MGAT5: variants seen among roughly 807,000 people sequenced by gnomAD.
The protein encoded by MGAT5 is alpha-1,6-mannosylglycoprotein 6-beta-N-acetylglucosaminyltransferase, also known as alpha-1,6-mannosylglycoprotein 6-beta-N-acetylglucosaminyltransferase A.
In MGAT5, 30 loss-of-function variants were observed where a neutral mutation model predicts 94.3. That is an observed-to-expected ratio of 0.32 (90% CI 0.24 to 0.43). The LOEUF (loss-of-function observed/expected upper bound fraction) is 0.43, where lower values mean the gene tolerates loss of function less well. Among genes scored for constraint, MGAT5 ranks in the 20% least tolerant of loss-of-function variants. MGAT5 has a pLI of 1.00. For missense variants in MGAT5, 691 were observed against 905.5 expected, an observed-to-expected ratio of 0.76 and a Z score of 3.04; for synonymous variants, 310 against 322.9, an observed-to-expected ratio of 0.96 and a Z score of 0.43.
intron 1 of MGAT5, among the ~76,000 whole-genome samples, chr2:134,239,823 A>G (rs16830261): frequency 0.049 from 7,472 of 152,112 alleles, 277 homozygotes; most frequent in East Asian, 0.13. Flanking sequence ...ATAAAAATAC[A>G]TTTACCATTA....
intron 14 of MGAT5, among the ~76,000 whole-genome samples, chr2:134,439,625 A>G (rs969308287): frequency 2.0e-5 from 3 of 152,182 alleles, no homozygotes; most frequent in African/African-American, 7.2e-5. Context: ...TGAATCCAGG[A>G]GGCGGAGGTA....
chr2:134,376,990 G>A (rs1681225075), intron 10 of MGAT5, among the ~76,000 whole-genome samples: 1 of 152,180 alleles, frequency 6.6e-6, no homozygotes, highest in Non-Finnish European at 1.5e-5. Flanking sequence ...CCTTAAAACG[G>A]TCTCACAGCA....
At chr2:134,311,117 C>G (rs1296299998) in intron 2 of MGAT5, among the ~76,000 whole-genome samples, 1 of 152,146 alleles carries the variant, frequency 6.6e-6, no homozygotes, top group Admixed American at 6.5e-5. Context: ...AGCCCTTGCT[C>G]GTGAAGTTGA....
At chr2:134,314,956 A>G (rs1686913568) in intron 2 of MGAT5, among the ~76,000 whole-genome samples, 1 of 152,212 alleles carries the variant, frequency 6.6e-6, no homozygotes, top group East Asian at 1.9e-4. Flanking sequence ...TTTTCATGAC[A>G]ACAGCAGAGT....
At chr2:134,208,436 C>T (rs768784996) in intron 1 of MGAT5, among the ~76,000 whole-genome samples, 44 of 152,110 alleles carry the variant, frequency 2.9e-4, no homozygotes, top group Non-Finnish European at 5.9e-4. Context: ...AAGCTTGGTG[C>T]CCAAGGGAAA....
chr2:134,126,316 T>A lies in MGAT5; in HGVS notation c.-143+6025T>A, dbSNP rs1331541447. 2.0e-5 allele frequency among the ~76,000 whole-genome samples: 3 copies of A among 152,218 alleles called. No individual in the cohort carries two copies. The East Asian group carries it at 5.8e-4, about 29-fold the overall frequency. On this transcript the variant is annotated intron_variant, in intron 1 of 16. Coordinates refer to the MGAT5 transcript ENST00000409645. ...TAAAGGGAAATGTAGATGAACATAC[T>A]AATTCAGCCCATGTGACCACTTTGG...
At chr2:134,198,324 T>C (rs1260275782) in intron 1 of MGAT5, among the ~76,000 whole-genome samples, 1 of 152,206 alleles carries the variant, frequency 6.6e-6, no homozygotes, top group Non-Finnish European at 1.5e-5. Flanking sequence ...TGTCAAGCTC[T>C]GTGTAGCTCT....
chr2:134,282,400 G>A (rs1684749606), intron 2 of MGAT5, among the ~76,000 whole-genome samples: 1 of 152,186 alleles, frequency 6.6e-6, no homozygotes, highest in African/African-American at 2.4e-5. Context: ...TTGAGTTGAT[G>A]TGTATAACTG....
chr2:134,306,554 T>C lies in MGAT5; in HGVS notation c.407-10975T>C, dbSNP rs550788283. Among the ~76,000 whole-genome samples, 5 of 152,204 alleles carry C rather than the reference T, an allele frequency of 3.3e-5. No homozygotes were observed. The East Asian group carries it at 7.7e-4, about 23-fold the overall frequency. Reference sequence around the variant, plus strand: ...GATTAAATGATCTAATGAGAGCTAGTGTGTGATGTTTCAGTGTGGTGCAGG... The same window carrying C: ...GATTAAATGATCTAATGAGAGCTAGCGTGTGATGTTTCAGTGTGGTGCAGG... On this transcript the variant is annotated intron_variant, in intron 2 of 15. Coordinates refer to ENST00000281923, the MANE Select transcript of MGAT5 (RefSeq NM_002410.5).
rs76985425 is a variant in MGAT5, at chr2:134,157,977, G to T, written c.-143+37686G>T. Among the ~76,000 whole-genome samples the T allele has an allele frequency of 6.4e-3, 980 of 152,338 alleles. 17 individuals carry two copies. The highest frequency in any genetic ancestry group is 0.022 in the African/African-American group (929 of 41,566). On this transcript the variant is annotated intron_variant, in intron 1 of 16. Transcript: ENST00000409645. Reference sequence around the variant, plus strand: ...CTCAGCTGAGGGGAGACCCACAGTGGGTAGCTTGTCTCTGCGGACAGGTTG... The same window carrying T: ...CTCAGCTGAGGGGAGACCCACAGTGTGTAGCTTGTCTCTGCGGACAGGTTG...
chr2:134,179,251 T>C (rs1688620617), intron 1 of MGAT5, among the ~76,000 whole-genome samples: 2 of 152,200 alleles, frequency 1.3e-5, no homozygotes, highest in East Asian at 3.8e-4. Flanking sequence ...TCTAGTGTTA[T>C]TAAGCACAAG....
At chr2:134,198,596 T>G (rs188517420) in intron 1 of MGAT5, among the ~76,000 whole-genome samples, 3 of 152,290 alleles carry the variant, frequency 2.0e-5, no homozygotes, top group East Asian at 3.9e-4. Flanking sequence ...CTGTCCATGT[T>G]CCTTATGGCA....
chr2:134,336,260 C>G lies in MGAT5; in HGVS notation c.617C>G (p.Pro206Arg). Residue 206 changes from proline to arginine, a missense_variant, in exon 5 of 16, where the codon CCC becomes CGC. This residue lies in a region of MGAT5 where 307 missense variants were observed against 335.4 expected (regional missense o/e 0.92). Transcript: ENST00000281923. ...CATTTACCTTGGAGAGCAAAAAATC[C>G]CTACGAAGAAGCTGATCATAATTCA... ...CPHLPWRAKN[P>R]YEEADHNSLA... 2 of 1,612,276 alleles carry G rather than the reference C, an allele frequency of 1.2e-6. No homozygotes were observed. The highest frequency in any genetic ancestry group is 1.7e-6 in the Non-Finnish European group (2 of 1,179,110).
At chr2:134,339,550 A>G (rs369948482) in intron 6 of MGAT5, among the ~76,000 whole-genome samples, 5 of 152,334 alleles carry the variant, frequency 3.3e-5, no homozygotes, top group African/African-American at 1.2e-4. Flanking sequence ...AACTGTATAC[A>G]TTAAAATAGT....
In MGAT5 at chr2:134,192,210, C is replaced by T. The variant is rs571151101; in HGVS notation, c.-142-62052C>T. On this transcript the variant is annotated intron_variant, in intron 1 of 16. Transcript: ENST00000409645. ...TCACGCCTTTTTTCTTCTGCTTGCG[C>T]GAGCGGGTTCCTGATGAAAGGGTGG... is the stretch of plus-strand genomic sequence containing the variant. 7.9e-5 allele frequency among the ~76,000 whole-genome samples: 12 copies of T among 151,470 alleles called. No individual in the cohort carries two copies. The South Asian group carries it at 1.9e-3, about 24-fold the overall frequency.
At chr2:134,312,504 C>T (rs1260620624) in intron 2 of MGAT5, among the ~76,000 whole-genome samples, 1 of 152,166 alleles carries the variant, frequency 6.6e-6, no homozygotes, top group Non-Finnish European at 1.5e-5. Flanking sequence ...ACTTTCTTTC[C>T]TCTTCAGTTC....
intron 1 of MGAT5, among the ~76,000 whole-genome samples, chr2:134,196,609 G>A (rs1230293325): frequency 3.9e-5 from 6 of 152,350 alleles, no homozygotes; most frequent in African/African-American, 9.6e-5. Context: ...AATGATAGTC[G>A]ATGCTTGTAA....
chr2:134,138,405 A>G (rs959066028), intron 1 of MGAT5, among the ~76,000 whole-genome samples: 5 of 152,198 alleles, frequency 3.3e-5, no homozygotes, highest in African/African-American at 4.8e-5. Context: ...TGTAGGAGTT[A>G]AAGTACCCAT....
chr2:134,193,956 C>T (rs1446167582), intron 1 of MGAT5, among the ~76,000 whole-genome samples: 2 of 152,116 alleles, frequency 1.3e-5, no homozygotes, highest in African/African-American at 4.8e-5. Context: ...TGACCCTGAG[C>T]GATATATCTT....
Sources: allele counts gnomAD v4.1 joint callset (sites outside exome capture counted in the v4.1 genomes callset), GRCh38; gene constraint gnomAD v4.1.1; regional missense constraint gnomAD v4.1.1; transcripts MANE v1.5; gene names NCBI Gene and HGNC (gene_info 2026-07-23, HGNC 2026-07-21).